RFXAP: variants seen among roughly 807,000 people sequenced by gnomAD.
The protein encoded by RFXAP is regulatory factor X associated protein.
RFXAP carries 21 observed loss-of-function variants against 25.7 expected under a neutral mutation model. The observed-to-expected ratio is 0.82, with a 90% CI of 0.58 to 1.18. The LOEUF (loss-of-function observed/expected upper bound fraction) is 1.18. RFXAP is among the 50% of genes most tolerant of loss of function. The pLI is 0.00. For missense variants in RFXAP, 333 were observed against 363.0 expected (o/e 0.92, Z 0.67); for synonymous variants, 161 against 152.2 (o/e 1.06, Z -0.43).
In RFXAP at chr13:36,819,421, G is replaced by C. The variant is rs1321037241; in HGVS notation, c.64G>C (p.Ala22Pro). The change falls in exon 1 of 3, where the codon GCG becomes CCG. Residue 22 changes from alanine to proline, a missense_variant. Coordinates refer to ENST00000255476, the MANE Select transcript of RFXAP (RefSeq NM_000538.4). ...PGAASGVPHP[A>P]ALAPAAAPTL... ...CGCCGCCAGCGGCGTGCCCCACCCC[G>C]CGGCCCTAGCCCCGGCTGCGGCTCC... is the stretch of plus-strand genomic sequence containing the variant. 3 of 1,343,670 alleles carry C rather than the reference G, an allele frequency of 2.2e-6. No individual in the cohort carries two copies. Among genetic ancestry groups the C allele is most frequent in the African/African-American group, 3.1e-5 (2 of 65,106 alleles). 83.2% of individuals were successfully genotyped at this position (1,343,670 alleles called of 1,614,324 possible). A position where few individuals can be genotyped will look rare whatever the true frequency, so the allele number is the denominator to read the frequency against.
At position 36,825,266 on chromosome 13, in the gene RFXAP, T is replaced by A. The variant is rs1352538044; in HGVS notation, c.601-162T>A. Among the ~76,000 whole-genome samples, 8 of 152,292 alleles carry A rather than the reference T, an allele frequency of 5.3e-5. No individual in the cohort carries two copies. The South Asian group carries it at 1.0e-3, about 20-fold the overall frequency. On this transcript the variant is annotated intron_variant, in intron 1 of 2. Coordinates refer to ENST00000255476, the MANE Select transcript of RFXAP (RefSeq NM_000538.4). ...AATGTTACATTAAATTAACTGCCAA[T>A]ACTTTGCCTATGATAATGAAGAACT...
chr13:36,822,496 A>G (rs1022798190), intron 1 of RFXAP, among the ~76,000 whole-genome samples: 1 of 151,990 alleles, frequency 6.6e-6, no homozygotes, highest in Admixed American at 6.6e-5. Flanking sequence ...GCAGATAGAT[A>G]CTGAATTAGC....
At chr13:36,824,317 C>T (rs1188193669) in intron 1 of RFXAP, among the ~76,000 whole-genome samples, 3 of 151,992 alleles carry the variant, frequency 2.0e-5, no homozygotes, top group African/African-American at 7.3e-5. Flanking sequence ...ATTTTTGTTT[C>T]CTCTGGGTAT....
At position 36,819,950 on chromosome 13, in the gene RFXAP, A is replaced by T; in HGVS notation, c.593A>T (p.Lys198Ile). The change falls in exon 1 of 3, where the codon AAA becomes ATA. Residue 198 changes from lysine (K) to isoleucine (I), a missense_variant. Lys to Ile is a moderately radical substitution (Grantham distance 102). Coordinates refer to ENST00000255476, the MANE Select transcript of RFXAP (RefSeq NM_000538.4). ...TASTGSAGNV[K>I]LEESADNILS... is the part of the protein sequence containing the mutation. ...TCGACTGGCAGCGCGGGAAACGTCA[A>T]ACTCGAGGTATCAGACTTAGCTGAG... The T allele has an allele frequency of 6.2e-7, 1 of 1,613,818 alleles. No homozygotes were observed. Among genetic ancestry groups the T allele is most frequent in the Non-Finnish European group, 8.5e-7 (1 of 1,179,934 alleles).
chr13:36,823,064 G>A (rs2057968061), intron 1 of RFXAP, among the ~76,000 whole-genome samples: 3 of 152,158 alleles, frequency 2.0e-5, no homozygotes, highest in Non-Finnish European at 4.4e-5. Flanking sequence ...ACTGTGTTAA[G>A]CTATAAATGG....
At position 36,819,306 on chromosome 13, in the gene RFXAP, C is replaced by G; in HGVS notation, c.-52C>G. The G allele has an allele frequency of 8.0e-7, 1 of 1,244,830 alleles. No individual in the cohort carries two copies. The allele number at this position is 1,244,830 out of a possible 1,614,324, so 77.1% of individuals were successfully genotyped here. Reference sequence around the variant, plus strand: ...TTTGGTTCGCGAAGTGCCGTTAGGCCAAGCAGGTGCTAAAAGCCCGGGGTC... The same window carrying G: ...TTTGGTTCGCGAAGTGCCGTTAGGCGAAGCAGGTGCTAAAAGCCCGGGGTC... On this transcript the variant is annotated 5_prime_UTR_variant, in exon 1 of 3. Coordinates refer to ENST00000255476, the MANE Select transcript of RFXAP (RefSeq NM_000538.4).
chr13:36,824,782 T>G (rs1413318021), intron 1 of RFXAP, among the ~76,000 whole-genome samples: 3 of 152,186 alleles, frequency 2.0e-5, no homozygotes, highest in Non-Finnish European at 4.4e-5. Context: ...ATGGTATCAT[T>G]TTAGGACTTA....
Position 36,819,971 on chromosome 13 carries a change from C to A in RFXAP, c.600+14C>A, listed in dbSNP as rs376114040. On this transcript the variant is annotated intron_variant, in intron 1 of 2. Transcript: ENST00000255476. ...GTCAAACTCGAGGTATCAGACTTAG[C>A]TGAGGCCTGGGGATGGGAGGTGGAA... 6.9e-5 allele frequency: 112 copies of A among 1,612,896 alleles called. No homozygotes were observed. The highest frequency in any genetic ancestry group is 9.4e-5 in the Non-Finnish European group (111 of 1,179,600).
chr13:36,824,053 G>T (rs1157541186), intron 1 of RFXAP, among the ~76,000 whole-genome samples: 1 of 152,128 alleles, frequency 6.6e-6, no homozygotes, highest in African/African-American at 2.4e-5. Flanking sequence ...AGCATTGCAG[G>T]TTTTTGAAAA....
At chr13:36,821,709 C>T (rs906747108) in intron 1 of RFXAP, among the ~76,000 whole-genome samples, 1 of 152,208 alleles carries the variant, frequency 6.6e-6, no homozygotes, top group East Asian at 1.9e-4. Context: ...TTTGCAGTTG[C>T]CAGTGTGTCA....
Position 36,819,442 on chromosome 13 carries a change from G to T in RFXAP, c.85G>T (p.Ala29Ser), listed in dbSNP as rs2057953815. ...CCCCGCGGCCCTAGCCCCGGCTGCGGCTCCCACCTTGGCGCCAGCCTCGGT... is the reference window on the plus strand; with the variant it reads ...CCCCGCGGCCCTAGCCCCGGCTGCGTCTCCCACCTTGGCGCCAGCCTCGGT... Reference protein sequence around the residue: ...PHPAALAPAAAPTLAPASVAA... With the variant: ...PHPAALAPAASPTLAPASVAA... Residue 29 changes from alanine (A) to serine (S), a missense_variant, in exon 1 of 3, where the codon GCT (alanine) becomes TCT (serine). Transcript: ENST00000255476. 3 of 1,483,462 alleles carry T rather than the reference G, an allele frequency of 2.0e-6. No homozygotes were observed. The highest frequency in any genetic ancestry group is 2.4e-5 in the Admixed American group (1 of 42,492). 91.9% of individuals were successfully genotyped at this position (1,483,462 alleles called of 1,614,324 possible).
chr13:36,827,134 G>A (rs564793242), intron 2 of RFXAP, among the ~76,000 whole-genome samples: 8 of 151,846 alleles, frequency 5.3e-5, no homozygotes, highest in Non-Finnish European at 1.2e-4. Context: ...CGATATATAT[G>A]TACATATATA....
In RFXAP at chr13:36,825,495, G is replaced by T. The variant is rs567067371; in HGVS notation, c.668G>T (p.Arg223Ile). The change falls in exon 2 of 3, where the codon AGA becomes ATA. Residue 223 changes from arginine to isoleucine, a missense_variant. Transcript: ENST00000255476. ...RTGSFGDRPARPTLLEQVLNQ... is the reference protein window; with the variant it reads ...RTGSFGDRPAIPTLLEQVLNQ... ...GGATCTTTTGGGGATCGTCCTGCAAGACCTACTCTTTTAGAACAAGTGTTA... is the reference window on the plus strand; with the variant it reads ...GGATCTTTTGGGGATCGTCCTGCAATACCTACTCTTTTAGAACAAGTGTTA... The T allele has an allele frequency of 6.2e-7, 1 of 1,612,736 alleles. No homozygotes were observed. The highest frequency in any genetic ancestry group is 2.2e-5 in the East Asian group (1 of 44,816).
intron 2 of RFXAP, 24 bp from the exon 3 acceptor site, chr13:36,827,619 T>G: frequency 6.6e-7 from 1 of 1,523,316 alleles, no homozygotes; most frequent in Non-Finnish European, 9.1e-7. Context: ...ATGCTATTAA[T>G]AATTTTTTTC....
chr13:36,822,942 T>C (rs1314993724), intron 1 of RFXAP, among the ~76,000 whole-genome samples: 4 of 152,080 alleles, frequency 2.6e-5, no homozygotes, highest in Admixed American at 2.0e-4. Flanking sequence ...GATAGATCAT[T>C]GTAGGCTGAG....
chr13:36,826,323 G>GA (rs562284554), intron 2 of RFXAP, among the ~76,000 whole-genome samples: 4 of 151,430 alleles, frequency 2.6e-5, no homozygotes, highest in African/African-American at 7.3e-5. Context: ...GATAGAAACA[G>GA]AAAAAAAAGG....
Position 36,828,083 on chromosome 13 carries a change from CTT to C in RFXAP, c.*331_*332del. ...AGTCATAAAGTTAATAGATATTAAT[CTT>C]GACTCATCTAGCTCAGTGGTTCTCA... On this transcript the variant is annotated 3_prime_UTR_variant, in exon 3 of 3. Transcript: ENST00000255476. 1 of 281,036 alleles carries C rather than the reference CTT, an allele frequency of 3.6e-6. No individual in the cohort carries two copies. Among genetic ancestry groups the C allele is most frequent in the Non-Finnish European group, 6.8e-6 (1 of 146,710 alleles). 17.4% of individuals were successfully genotyped at this position (281,036 alleles called of 1,614,324 possible).
chr13:36,822,272 G>A (rs999997590), intron 1 of RFXAP, among the ~76,000 whole-genome samples: 3 of 151,808 alleles, frequency 2.0e-5, no homozygotes, highest in Non-Finnish European at 4.4e-5. Flanking sequence ...TGTATTTTTA[G>A]TAGAGACGCG....
Position 36,825,549 on chromosome 13 carries a change from T to G in RFXAP, c.708+14T>G. 1 of 1,554,566 alleles carries G rather than the reference T, an allele frequency of 6.4e-7. No individual in the cohort carries two copies. Among genetic ancestry groups the G allele is most frequent in the Non-Finnish European group, 8.9e-7 (1 of 1,129,258 alleles). ...CAAAAAAGACTGGTAAATATCTGTT[T>G]GTAAATCAGTTATAAATGTGTTAAC... On this transcript the variant is annotated intron_variant, in intron 2 of 2. Coordinates refer to ENST00000255476, the MANE Select transcript of RFXAP (RefSeq NM_000538.4).
Sources: gnomAD v4.1 joint callset for allele counts (sites outside exome capture counted in the v4.1 genomes callset) on GRCh38, gnomAD v4.1.1 for gene constraint, MANE v1.5 for transcripts, NCBI Gene and HGNC (gene_info 2026-07-23, HGNC 2026-07-21) for gene names.